SYNE1: variants seen among roughly 807,000 people sequenced by gnomAD.
The protein encoded by SYNE1 is nesprin-1.
A neutral mutation model predicts 1,111.0 loss-of-function variants in SYNE1; 616 were observed. That is an observed-to-expected ratio of 0.55 (90% confidence interval 0.52 to 0.59). The LOEUF is 0.59. SYNE1 is among the 20% of genes least tolerant of loss of function. The pLI, the probability that SYNE1 is intolerant of heterozygous loss-of-function variation, is 0.00. For missense variants in SYNE1, 10,006 were observed against 10,417.0 expected, an observed-to-expected ratio of 0.96 and a Z score of 1.72; for synonymous variants, 3,855 against 3,825.8, an observed-to-expected ratio of 1.01 and a Z score of -0.28.
chr6:152,278,326 T>C, intron 97 of SYNE1, 46 bp from the exon 98 acceptor site: 1 of 1,603,614 alleles, frequency 6.2e-7, no homozygotes, highest in Non-Finnish European at 8.5e-7. Flanking sequence ...CTCCCCAGCC[T>C]CTGCAAAGAC....
At chr6:152,140,945 G>T (rs2058390144) in intron 139 of SYNE1, among the ~76,000 whole-genome samples, 1 of 152,198 alleles carries the variant, frequency 6.6e-6, no homozygotes, top group African/African-American at 2.4e-5. Context: ...TGAGGCGGGA[G>T]AATGCCATGA....
intron 101 of SYNE1, among the ~76,000 whole-genome samples, chr6:152,260,925 T>C (rs557939312): frequency 1.3e-5 from 2 of 152,134 alleles, no homozygotes; most frequent in African/African-American, 4.8e-5. Flanking sequence ...GAGGTCCAGT[T>C]CCTAACAGGC....
At chr6:152,545,493 T>C (rs2099307130) in intron 3 of SYNE1, among the ~76,000 whole-genome samples, 1 of 152,052 alleles carries the variant, frequency 6.6e-6, no homozygotes, top group South Asian at 2.1e-4. Context: ...GAAAGGAGAA[T>C]CACTTGAACC....
chr6:152,310,307 G>C, intron 89 of SYNE1, 89 bp downstream of exon 89: 1 of 1,539,356 alleles, frequency 6.5e-7, no homozygotes, highest in Non-Finnish European at 8.9e-7. Context: ...AAATAAAACA[G>C]TGTTGAGTTT....
chr6:152,424,134 A>T (rs1301205135), intron 39 of SYNE1, among the ~76,000 whole-genome samples: 1 of 152,194 alleles, frequency 6.6e-6, no homozygotes, highest in South Asian at 2.1e-4. Context: ...GGTGCCTGGG[A>T]TATCATCAGG....
intron 21 of SYNE1, 131 bp downstream of exon 21, chr6:152,461,466 G>T: frequency 2.6e-6 from 3 of 1,144,868 alleles, no homozygotes; most frequent in South Asian, 1.3e-5. Context: ...TTACTAAATT[G>T]AGAATCCCAA....
At chr6:152,579,138 C>T (rs1253461616) in intron 3 of SYNE1, among the ~76,000 whole-genome samples, 1 of 152,114 alleles carries the variant, frequency 6.6e-6, no homozygotes, top group Non-Finnish European at 1.5e-5. Context: ...AATAATATTT[C>T]TGGTCTTACA....
At chr6:152,522,873 T>C (rs1180203941) in intron 5 of SYNE1, among the ~76,000 whole-genome samples, 5 of 152,146 alleles carry the variant, frequency 3.3e-5, no homozygotes, top group Non-Finnish European at 5.9e-5. Flanking sequence ...TCTATTCATG[T>C]CATTTGCCCA....
intron 14 of SYNE1, among the ~76,000 whole-genome samples, chr6:152,476,380 T>C (rs936582606): frequency 6.6e-6 from 1 of 152,228 alleles, no homozygotes; most frequent in Non-Finnish European, 1.5e-5. Context: ...TTTCACGGTA[T>C]GTATCTAATG....
Position 152,347,116 on chromosome 6 carries a change from A to G in SYNE1, c.12021T>C (p.His4007=). The change falls in exon 73 of 146, where the codon CAT becomes CAC. Residue 4007 remains histidine, a synonymous_variant. Coordinates refer to ENST00000367255, the MANE Select transcript of SYNE1 (RefSeq NM_182961.4). ...TGTCCTTTGTGCCCTGCAGATGAGC[A>G]TGCACGTTTTGTTTAAGTTTCGCTT... ...HLQAKLKQNV[H]AHLQGTKDSY... The G allele has an allele frequency of 6.2e-7, 1 of 1,614,184 alleles. No individual in the cohort carries two copies. Among genetic ancestry groups the G allele is most frequent in the Non-Finnish European group, 8.5e-7 (1 of 1,180,036 alleles).
chr6:152,236,157 T>C lies in SYNE1; in HGVS notation c.20346A>G (p.Lys6782=), dbSNP rs765099510. 4 of 1,614,092 alleles carry C rather than the reference T, an allele frequency of 2.5e-6. No individual in the cohort carries two copies. The highest frequency in any genetic ancestry group is 3.4e-6 in the Non-Finnish European group (4 of 1,180,034). The change falls in exon 110 of 146, where the codon AAA becomes AAG. Residue 6782 remains lysine (K), a synonymous_variant. Transcript: ENST00000367255. ...CCAGTCTGTGAAGTTCCTTAGACATTTTATTGGTGTTACTTAGCCAGCACT... is the reference window on the plus strand; with the variant it reads ...CCAGTCTGTGAAGTTCCTTAGACATCTTATTGGTGTTACTTAGCCAGCACT... The part of the protein sequence containing the change: ...LGECWLSNTN[K]MSKELHRLET...
At chr6:152,578,453 G>C (rs2099508801) in intron 3 of SYNE1, among the ~76,000 whole-genome samples, 1 of 152,126 alleles carries the variant, frequency 6.6e-6, no homozygotes, top group Non-Finnish European at 1.5e-5. Flanking sequence ...AAATTAGCCA[G>C]GTGTGGTGGC....
intron 87 of SYNE1, chr6:152,315,339 C>CTACA (rs1477529665): frequency 6.6e-6 from 1 of 151,884 alleles, no homozygotes; most frequent in Non-Finnish European, 1.5e-5. Flanking sequence ...GTAGCTGGGA[C>CTACA]TACAGGTGCC....
chr6:152,306,378 C>T lies in SYNE1; in HGVS notation c.17346+2111G>A, dbSNP rs554716055. On this transcript the variant is annotated intron_variant, in intron 91 of 145. Coordinates refer to ENST00000367255, the MANE Select transcript of SYNE1 (RefSeq NM_182961.4). ...ATGTGCGCCTGTAATCCCAGCTACT[C>T]GGGAGCCTGAGGCAGGAGAATCGCC... 2.2e-4 allele frequency among the ~76,000 whole-genome samples: 33 copies of T among 151,876 alleles called. No individual in the cohort carries two copies. In the East Asian group the frequency reaches 5.2e-3, roughly 24 times the overall value.
rs199965276 is a variant in SYNE1 at position 152,407,134 on chromosome 6, A to G, written c.6603T>C (p.Asp2201=). 53 of 1,614,048 alleles carry G rather than the reference A, an allele frequency of 3.3e-5. No individual in the cohort carries two copies. In the East Asian group the frequency reaches 1.1e-3, roughly 33 times the overall value. The change falls in exon 45 of 146, where the codon GAT becomes GAC. Residue 2201 remains aspartate, a synonymous_variant. Coordinates refer to ENST00000367255, the MANE Select transcript of SYNE1 (RefSeq NM_182961.4). ...RLRVSLSIWD[D]VLSTRDEIEG... ...CAATCTCATCTCTAGTTGACAGTAC[A>G]TCATCCCAAATGGACAGGCTTACTC... is the stretch of plus-strand genomic sequence containing the variant.
rs1316334840 is a variant in SYNE1, at chr6:152,391,456, G to A, written c.7825C>T (p.Leu2609Phe). ...SQLLTSHQNL[L>F]RMTKEKLRSC... ...CGGAGTTTCTCTTTGGTCATTCTAA[G>A]TAGGTTCTGGTGGCTTGTGAGGAGC... Residue 2609 changes from leucine (L) to phenylalanine (F), a missense_variant, in exon 52 of 146, where the codon CTT becomes TTT. Leu to Phe is a conservative substitution (Grantham distance 22). Transcript: ENST00000367255. The A allele has an allele frequency of 3.7e-6, 6 of 1,613,746 alleles. No individual in the cohort carries two copies. The highest frequency in any genetic ancestry group is 1.7e-5 in the Admixed American group (1 of 59,970).
chr6:152,219,971 A>G (rs1360272020), intron 119 of SYNE1, among the ~76,000 whole-genome samples: 2 of 152,256 alleles, frequency 1.3e-5, no homozygotes, highest in African/African-American at 4.8e-5. Context: ...GAGAAAGAAG[A>G]ACAAAGGGCT....
chr6:152,404,229 G>A lies in SYNE1; in HGVS notation c.6809C>T (p.Thr2270Ile), dbSNP rs1410806998. The A allele has an allele frequency of 1.2e-6, 2 of 1,612,588 alleles. No individual in the cohort carries two copies. Among genetic ancestry groups the A allele is most frequent in the Non-Finnish European group, 1.7e-6 (2 of 1,179,464 alleles). ...DLKELTKNLE[T>I]PPDLQFIEAD... Reference sequence around the variant, plus strand: ...AATGCTTACCTGAAGGTCTGGCGGTGTTTCTAGATTTTTAGTTAATTCTTT... The same window carrying A: ...AATGCTTACCTGAAGGTCTGGCGGTATTTCTAGATTTTTAGTTAATTCTTT... Residue 2270 changes from threonine to isoleucine, a missense_variant, in exon 46 of 146, where the codon ACA becomes ATA. Thr to Ile is a moderately conservative substitution (Grantham distance 89, BLOSUM62 -1). This residue lies in a region of SYNE1 where 4,955 missense variants were observed against 5,017.2 expected (regional missense o/e 0.99). Transcript: ENST00000367255.
chr6:152,269,897 T>C (rs1309574168), intron 98 of SYNE1, among the ~76,000 whole-genome samples: 1 of 152,164 alleles, frequency 6.6e-6, no homozygotes, highest in Non-Finnish European at 1.5e-5. Flanking sequence ...TCAGTTCATA[T>C]GGGAGAAAAT....
Sources: allele counts gnomAD v4.1 joint callset (sites outside exome capture counted in the v4.1 genomes callset), GRCh38; gene constraint gnomAD v4.1.1; regional missense constraint gnomAD v4.1.1; transcripts MANE v1.5; gene names NCBI Gene and HGNC (gene_info 2026-07-23, HGNC 2026-07-21).